Variants in TTLL7 observed in about 807,000 individuals in gnomAD.
TTLL7 encodes the protein tubulin tyrosine ligase like 7.
Under a neutral mutation model 120.2 loss-of-function variants are expected in TTLL7, and 53 were observed. The observed-to-expected ratio is 0.44, with a 90% confidence interval of 0.35 to 0.55. The LOEUF (loss-of-function observed/expected upper bound fraction) is 0.55. TTLL7 is among the 20% of genes least tolerant of loss of function. TTLL7 has a pLI of 0.00. For synonymous variants in TTLL7, 353 were observed against 351.7 expected (o/e 1.00, Z -0.04); for missense variants, 803 against 1,054.7 (o/e 0.76, Z 3.31).
At chr1:83,997,806 A>G (rs144411053) in intron 1 of TTLL7, among the ~76,000 whole-genome samples, 1 of 152,172 alleles carries the variant, frequency 6.6e-6, no homozygotes, top group Non-Finnish European at 1.5e-5. Flanking sequence ...TACGTTTTTA[A>G]TCGACTTCTC....
intron 1 of TTLL7, chr1:83,981,663 A>G (rs1651966568): frequency 1.3e-5 from 2 of 152,354 alleles, no homozygotes; most frequent in African/African-American, 2.4e-5. Flanking sequence ...CCCCGTCTCC[A>G]CTGAAAAATA....
At chr1:83,911,504 A>T in intron 14 of TTLL7, 141 bp from the exon 15 acceptor site, 1 of 677,214 alleles carries the variant, frequency 1.5e-6, no homozygotes, top group Non-Finnish European at 2.5e-6. Flanking sequence ...TATTGCTGCC[A>T]TGCTGCTTAG....
At chr1:83,933,538 A>G in intron 9 of TTLL7, 70 bp downstream of exon 9, 1 of 1,505,388 alleles carries the variant, frequency 6.6e-7, no homozygotes, top group Non-Finnish European at 9.0e-7. Context: ...TTAAGTACAC[A>G]TTTTTAAAGC....
intron 18 of TTLL7, among the ~76,000 whole-genome samples, chr1:83,892,687 T>TGAAC (rs1480376382): frequency 5.5e-5 from 7 of 127,934 alleles, no homozygotes; most frequent in South Asian, 4.9e-4. Flanking sequence ...TATGAACATA[T>TGAAC]ATATGAACAT....
intron 1 of TTLL7, among the ~76,000 whole-genome samples, chr1:83,989,692 T>G (rs1571407765): frequency 6.6e-6 from 1 of 152,188 alleles, no homozygotes; most frequent in East Asian, 1.9e-4. Context: ...TTTTGTTTTG[T>G]TTTTTTAGTT....
intron 1 of TTLL7, among the ~76,000 whole-genome samples, chr1:83,976,715 T>C (rs1209742001): frequency 6.6e-6 from 1 of 152,120 alleles, no homozygotes; most frequent in African/African-American, 2.4e-5. Context: ...CAATGTTTTA[T>C]ACCAGCCTAT....
chr1:83,909,573 A>C (rs1657509027), intron 15 of TTLL7, among the ~76,000 whole-genome samples: 1 of 152,018 alleles, frequency 6.6e-6, no homozygotes, highest in Non-Finnish European at 1.5e-5. Context: ...GACTTGTTAC[A>C]ATTCCTCGTG....
At chr1:83,898,994 G>A (rs1279206001) in intron 18 of TTLL7, among the ~76,000 whole-genome samples, 1 of 151,862 alleles carries the variant, frequency 6.6e-6, no homozygotes, top group Non-Finnish European at 1.5e-5. Flanking sequence ...TTGTATTCAT[G>A]ATGTGTATAT....
chr1:83,872,250 T>G (rs1429716226), intron 20 of TTLL7, among the ~76,000 whole-genome samples: 2 of 152,158 alleles, frequency 1.3e-5, no homozygotes, highest in African/African-American at 4.8e-5. Context: ...AATAGAACAG[T>G]AAAATAACAT....
intron 3 of TTLL7, among the ~76,000 whole-genome samples, chr1:83,950,897 A>G (rs1489238293): frequency 6.6e-6 from 1 of 152,154 alleles, no homozygotes; most frequent in African/African-American, 2.4e-5. Flanking sequence ...AACACAGACT[A>G]TTCCTTACCT....
At chr1:83,990,470 C>T (rs899773331) in intron 1 of TTLL7, among the ~76,000 whole-genome samples, 3 of 152,172 alleles carry the variant, frequency 2.0e-5, no homozygotes, top group African/African-American at 7.2e-5. Context: ...CCACCGCGCC[C>T]GGCCTGGATG....
In TTLL7 at chr1:83,865,450, T is replaced by C. The variant is rs967444722; in HGVS notation, c.*4512A>G. ...TTAGGAACTATTGGTCCATTGATTG[T>C]ACCTGTAGATAATACAGCGCAGTTA... On this transcript the variant is annotated 3_prime_UTR_variant, in exon 21 of 21. Coordinates refer to ENST00000260505, the MANE Select transcript of TTLL7 (RefSeq NM_024686.6). 1 of 152,026 alleles carries C rather than the reference T, an allele frequency of 6.6e-6. No homozygotes were observed. The highest frequency in any genetic ancestry group is 1.5e-5 in the Non-Finnish European group (1 of 67,874). The allele number at this position is 152,026 out of a possible 1,614,324, so 9.4% of individuals were successfully genotyped here.
chr1:83,899,595 G>C (rs1656542069), intron 18 of TTLL7, among the ~76,000 whole-genome samples: 1 of 151,914 alleles, frequency 6.6e-6, no homozygotes, highest in African/African-American at 2.4e-5. Flanking sequence ...CTATGTAGAA[G>C]AATGACAGTA....
At chr1:83,900,424 G>T (rs1656622972) in intron 18 of TTLL7, among the ~76,000 whole-genome samples, 1 of 151,982 alleles carries the variant, frequency 6.6e-6, no homozygotes, top group Non-Finnish European at 1.5e-5. Flanking sequence ...GATTCAAGTA[G>T]AGAAAGATAT....
chr1:83,914,511 T>C (rs1354985003), intron 14 of TTLL7, among the ~76,000 whole-genome samples: 1 of 152,036 alleles, frequency 6.6e-6, no homozygotes, highest in African/African-American at 2.4e-5. Context: ...TTTGTATTTT[T>C]AGTAGAGACG....
At chr1:83,997,509 C>T (rs982728203) in intron 1 of TTLL7, among the ~76,000 whole-genome samples, 94 of 152,336 alleles carry the variant, frequency 6.2e-4, no homozygotes, top group African/African-American at 2.2e-3. Flanking sequence ...CTACAACACT[C>T]ATATTTCTAA....
intron 1 of TTLL7, among the ~76,000 whole-genome samples, chr1:83,985,821 C>CA (rs890071274): frequency 1.2e-4 from 19 of 152,072 alleles, no homozygotes; most frequent in African/African-American, 4.6e-4. Flanking sequence ...CAAAACTAAT[C>CA]AATTTCTTAA....
At chr1:83,940,443 T>TA (rs1287886309) in intron 7 of TTLL7, among the ~76,000 whole-genome samples, 1 of 152,202 alleles carries the variant, frequency 6.6e-6, no homozygotes, top group Non-Finnish European at 1.5e-5. Flanking sequence ...ACAGAACAGA[T>TA]ACATTTGGAG....
chr1:83,927,193 A>G (rs1659206824), intron 10 of TTLL7, among the ~76,000 whole-genome samples: 2 of 152,196 alleles, frequency 1.3e-5, no homozygotes, highest in Admixed American at 1.3e-4. Context: ...TGAAGGTCAT[A>G]CTGTAAGCAA....
Sources: allele counts gnomAD v4.1 joint callset (sites outside exome capture counted in the v4.1 genomes callset), GRCh38; gene constraint gnomAD v4.1.1; transcripts MANE v1.5; gene names NCBI Gene and HGNC (gene_info 2026-07-23, HGNC 2026-07-21).